Variants in CHL1 observed in about 807,000 individuals in gnomAD.
CHL1 encodes neural cell adhesion molecule L1-like protein.
Under a neutral mutation model 141.9 loss-of-function variants are expected in CHL1, and 96 were observed. The ratio of observed to expected loss-of-function variants is 0.68; its 90% CI spans 0.57 to 0.80. The LOEUF (loss-of-function observed/expected upper bound fraction) is 0.80. CHL1 is among the 30% of genes least tolerant of loss of function. The probability of loss-of-function intolerance (pLI) is 0.00; values close to 1 mark genes in which losing one functional copy is unlikely to be tolerated. For synonymous variants in CHL1, 613 were observed against 502.2 expected (o/e 1.22, Z -2.95); for missense variants, 1,820 against 1,457.2 (o/e 1.25, Z -4.05).
rs1374005440 is a variant in CHL1 at position 325,684 on chromosome 3, T to C, written c.92-275T>C. 3.3e-5 allele frequency among the ~76,000 whole-genome samples: 5 copies of C among 152,042 alleles called. No homozygotes were observed. In the East Asian group the frequency reaches 9.6e-4, roughly 29 times the overall value. On this transcript the variant is annotated intron_variant, in intron 3 of 27. Transcript: ENST00000256509. ...AATAATATATATTTTTAAATTGTGA[T>C]GACATAGCAACTTTTCTTCTGCTAT...
intron 16 of CHL1, among the ~76,000 whole-genome samples, chr3:381,741 A>G (rs1372978570): frequency 1.3e-5 from 2 of 152,146 alleles, no homozygotes; most frequent in Non-Finnish European, 2.9e-5. Context: ...GGCCCTCAGG[A>G]AGAAATTTAC....
intron 23 of CHL1, among the ~76,000 whole-genome samples, chr3:393,878 A>C (rs1229127459): frequency 1.3e-5 from 2 of 152,196 alleles, no homozygotes; most frequent in Non-Finnish European, 1.5e-5. Context: ...TGGACCAAGG[A>C]AGGCATTTTT....
intron 2 of CHL1, among the ~76,000 whole-genome samples, chr3:310,174 G>A (rs1699637731): frequency 6.6e-6 from 1 of 152,260 alleles, no homozygotes; most frequent in East Asian, 1.9e-4. Flanking sequence ...GTTGGGCACA[G>A]TGGCTAGCAC....
At chr3:378,359 G>C (rs942282709) in intron 16 of CHL1, among the ~76,000 whole-genome samples, 14 of 152,280 alleles carry the variant, frequency 9.2e-5, no homozygotes, top group African/African-American at 3.4e-4. Flanking sequence ...CAAAGGCACA[G>C]ACTGAGTTCC....
intron 17 of CHL1, 24 bp from the exon 18 acceptor site, chr3:382,450 T>C: frequency 6.3e-7 from 1 of 1,595,130 alleles, no homozygotes; most frequent in Non-Finnish European, 8.6e-7. Flanking sequence ...CATTCTAATA[T>C]TTTTTCCCTG....
intron 1 of CHL1, among the ~76,000 whole-genome samples, chr3:216,829 A>G (rs1197325599): frequency 2.6e-5 from 4 of 152,236 alleles, no homozygotes; most frequent in Admixed American, 6.5e-5. Flanking sequence ...CAATGCTGAT[A>G]TATGGAAATG....
chr3:235,857 G>A (rs1361126727), intron 1 of CHL1, among the ~76,000 whole-genome samples: 1 of 152,148 alleles, frequency 6.6e-6, no homozygotes, highest in East Asian at 1.9e-4. Flanking sequence ...TGACAGTAGT[G>A]AGAAAACAAG....
intron 14 of CHL1, among the ~76,000 whole-genome samples, chr3:364,711 A>G (rs550956871): frequency 6.6e-5 from 10 of 152,286 alleles, no homozygotes; most frequent in African/African-American, 2.4e-4. Context: ...AGTGATTGAG[A>G]GCATGAGCTT....
chr3:268,579 A>G (rs1486580789), intron 2 of CHL1, among the ~76,000 whole-genome samples: 1 of 152,008 alleles, frequency 6.6e-6, no homozygotes, highest in Non-Finnish European at 1.5e-5. Context: ...AAATAAAATA[A>G]TGACTAGCTT....
At chr3:338,377 A>C (rs923748397) in intron 5 of CHL1, among the ~76,000 whole-genome samples, 3 of 152,208 alleles carry the variant, frequency 2.0e-5, no homozygotes. Flanking sequence ...CAAACTCAGC[A>C]ATGCTAATGT....
At chr3:297,198 C>T (rs973594561) in intron 2 of CHL1, among the ~76,000 whole-genome samples, 2 of 151,804 alleles carry the variant, frequency 1.3e-5, no homozygotes, top group Non-Finnish European at 2.9e-5. Flanking sequence ...TACACTTCAA[C>T]CTGTGTGACA....
intron 10 of CHL1, among the ~76,000 whole-genome samples, chr3:350,221 G>T (rs1203926690): frequency 2.0e-5 from 3 of 152,078 alleles, no homozygotes; most frequent in Non-Finnish European, 4.4e-5. Flanking sequence ...AGGTTTTATT[G>T]GTATTAGTTA....
chr3:249,641 C>T (rs1490315590), intron 2 of CHL1, among the ~76,000 whole-genome samples: 2 of 152,222 alleles, frequency 1.3e-5, no homozygotes, highest in East Asian at 3.9e-4. Flanking sequence ...TTATTTGTAG[C>T]CCTTCAAATG....
chr3:402,012 G>A (rs957134126), intron 27 of CHL1, among the ~76,000 whole-genome samples: 10 of 152,098 alleles, frequency 6.6e-5, no homozygotes, highest in African/African-American at 1.4e-4. Flanking sequence ...TTATGAACTC[G>A]GGTTCAATCC....
intron 3 of CHL1, among the ~76,000 whole-genome samples, chr3:321,953 A>G (rs1324686873): frequency 6.6e-6 from 1 of 152,086 alleles, no homozygotes; most frequent in African/African-American, 2.4e-5. Context: ...TTCCCCAAAT[A>G]ATTAGTTATT....
At chr3:372,285 C>A (rs550714260) in intron 15 of CHL1, among the ~76,000 whole-genome samples, 1 of 152,118 alleles carries the variant, frequency 6.6e-6, no homozygotes, top group Admixed American at 6.5e-5. Flanking sequence ...TCCCGTATTT[C>A]TTGAAGGCTT....
chr3:324,302 T>C (rs1294419282), intron 3 of CHL1, among the ~76,000 whole-genome samples: 2 of 152,128 alleles, frequency 1.3e-5, no homozygotes, highest in African/African-American at 2.4e-5. Context: ...TGTCTCCAAA[T>C]TGCTTTTCTC....
chr3:212,554 C>T (rs1699986311), intron 1 of CHL1, among the ~76,000 whole-genome samples: 1 of 152,168 alleles, frequency 6.6e-6, no homozygotes, highest in South Asian at 2.1e-4. Flanking sequence ...ATCTACATGT[C>T]ACCGCTAAAA....
intron 24 of CHL1, among the ~76,000 whole-genome samples, chr3:396,586 A>T (rs900881360): frequency 6.6e-6 from 1 of 152,134 alleles, no homozygotes; most frequent in African/African-American, 2.4e-5. Context: ...TTTACAGGTG[A>T]TGTGGCATCT....
Sources: allele counts gnomAD v4.1 joint callset (sites outside exome capture counted in the v4.1 genomes callset), GRCh38; gene constraint gnomAD v4.1.1; transcripts MANE v1.5; gene names NCBI Gene and HGNC (gene_info 2026-07-23, HGNC 2026-07-21).